The following ADGRB3 variants were observed in gnomAD, a reference collection of about 807,000 sequenced individuals.
The protein encoded by ADGRB3 is brain-specific angiogenesis inhibitor 3.
A neutral mutation model predicts 193.4 loss-of-function variants in ADGRB3; 37 were observed. That is an observed-to-expected ratio of 0.19 (90% CI 0.15 to 0.25). ADGRB3 has a LOEUF of 0.25. Among genes scored for constraint, ADGRB3 ranks in the 10% least tolerant of loss-of-function variants. The pLI is 1.00. For missense variants in ADGRB3, 1,637 were observed against 1,852.9 expected (o/e 0.88, Z 2.14); for synonymous variants, 690 against 644.2 (o/e 1.07, Z -1.08).
chr6:68,691,469 T>A (rs1404091394), intron 3 of ADGRB3, among the ~76,000 whole-genome samples: 4 of 152,020 alleles, frequency 2.6e-5, no homozygotes, highest in African/African-American at 9.7e-5. Context: ...TTATATGCAC[T>A]ATTTGAAGCT....
chr6:69,238,324 A>C (rs1766314040), intron 19 of ADGRB3, among the ~76,000 whole-genome samples: 1 of 152,112 alleles, frequency 6.6e-6, no homozygotes, highest in South Asian at 2.1e-4. Context: ...GTGAAGCAAA[A>C]TAGCTGTTAC....
chr6:69,188,549 T>C (rs1411711217), intron 17 of ADGRB3, among the ~76,000 whole-genome samples: 1 of 152,158 alleles, frequency 6.6e-6, no homozygotes, highest in Non-Finnish European at 1.5e-5. Context: ...CCTCTGGTGA[T>C]CCACCCACGT....
intron 18 of ADGRB3, 86 bp downstream of exon 18, chr6:69,233,502 G>C: frequency 6.5e-7 from 1 of 1,528,682 alleles, no homozygotes; most frequent in Admixed American, 2.0e-5. Context: ...ATTTTAAATG[G>C]GGAAATGGAA....
intron 3 of ADGRB3, among the ~76,000 whole-genome samples, chr6:68,883,892 A>G (rs556263902): frequency 6.6e-6 from 1 of 152,316 alleles, no homozygotes; most frequent in Non-Finnish European, 1.5e-5. Flanking sequence ...TATCTCATCA[A>G]TTTAATTAAA....
At chr6:69,048,534 A>C (rs979354389) in intron 14 of ADGRB3, among the ~76,000 whole-genome samples, 200 bp downstream of exon 14, 6 of 152,180 alleles carry the variant, frequency 3.9e-5, no homozygotes, top group Non-Finnish European at 5.9e-5. Flanking sequence ...AGTCTATTAC[A>C]GTATGAAAAA....
intron 3 of ADGRB3, among the ~76,000 whole-genome samples, chr6:68,827,129 T>C (rs949839999): frequency 6.6e-6 from 1 of 152,110 alleles, no homozygotes; most frequent in African/African-American, 2.4e-5. Flanking sequence ...GGGAGCTCTA[T>C]ATTGCGAGAT....
At chr6:69,210,656 T>C (rs1765644267) in intron 17 of ADGRB3, among the ~76,000 whole-genome samples, 1 of 152,130 alleles carries the variant, frequency 6.6e-6, no homozygotes, top group Non-Finnish European at 1.5e-5. Flanking sequence ...GTGTTGGGAA[T>C]GCAGACATAA....
chr6:68,641,788 T>C (rs1283246883), intron 3 of ADGRB3, among the ~76,000 whole-genome samples: 2 of 152,236 alleles, frequency 1.3e-5, no homozygotes, highest in South Asian at 2.1e-4. Flanking sequence ...GAAAGGAATG[T>C]GAAAATCTAT....
At chr6:69,369,667 C>T (rs558231546) in intron 29 of ADGRB3, among the ~76,000 whole-genome samples, 251 of 145,004 alleles carry the variant, frequency 1.7e-3, no homozygotes, top group African/African-American at 6.1e-3. Flanking sequence ...CACTGAACCC[C>T]GGCCTGGGTG....
intron 13 of ADGRB3, among the ~76,000 whole-genome samples, chr6:69,045,078 A>T (rs369919721): frequency 5.9e-5 from 9 of 152,286 alleles, no homozygotes; most frequent in African/African-American, 1.7e-4. Flanking sequence ...CCTCTTTTGT[A>T]TTCACTTAAC....
chr6:69,126,387 G>T (rs969709049), intron 17 of ADGRB3, among the ~76,000 whole-genome samples: 1 of 152,182 alleles, frequency 6.6e-6, no homozygotes, highest in African/African-American at 2.4e-5. Context: ...AACGTTGGTA[G>T]AGTGGCTCAG....
intron 8 of ADGRB3, among the ~76,000 whole-genome samples, chr6:68,959,236 C>T (rs975524023): frequency 2.0e-5 from 3 of 151,990 alleles, no homozygotes; most frequent in East Asian, 1.9e-4. Flanking sequence ...ATGAGTATAG[C>T]GTTCCTAATT....
intron 3 of ADGRB3, among the ~76,000 whole-genome samples, chr6:68,873,525 A>G (rs1765514489): frequency 6.6e-6 from 1 of 152,156 alleles, no homozygotes; most frequent in South Asian, 2.1e-4. Flanking sequence ...GTGCATTAGC[A>G]AAAAGGACTA....
At chr6:68,977,303 AT>A (rs532175489) in intron 10 of ADGRB3, among the ~76,000 whole-genome samples, 413 of 151,334 alleles carry the variant, frequency 2.7e-3, no homozygotes, top group African/African-American at 8.9e-3. Context: ...ATTTTAATGG[AT>A]TTTTTTTTCT....
At chr6:68,930,359 T>G (rs1767304883) in intron 3 of ADGRB3, among the ~76,000 whole-genome samples, 200 bp from the exon 4 acceptor site, 1 of 152,098 alleles carries the variant, frequency 6.6e-6, no homozygotes. Flanking sequence ...CTATTACTGT[T>G]TTTTGAAATC....
chr6:69,067,532 A>T (rs1443789250), intron 16 of ADGRB3, among the ~76,000 whole-genome samples: 1 of 152,180 alleles, frequency 6.6e-6, no homozygotes, highest in African/African-American at 2.4e-5. Context: ...TATAAAGGTT[A>T]ATAACCTAAG....
chr6:69,006,489 G>A (rs1346266472), intron 11 of ADGRB3, among the ~76,000 whole-genome samples: 1 of 151,666 alleles, frequency 6.6e-6, no homozygotes, highest in East Asian at 1.9e-4. Context: ...ATTAATCTCA[G>A]CAGTGGAGAG....
At chr6:69,260,453 T>C (rs1427461218) in intron 20 of ADGRB3, among the ~76,000 whole-genome samples, 1 of 152,146 alleles carries the variant, frequency 6.6e-6, no homozygotes, top group Admixed American at 6.5e-5. Context: ...TGTATTAATA[T>C]TAGGACTTCC....
chr6:68,943,735 T>C, intron 5 of ADGRB3, 95 bp from the exon 6 acceptor site: 1 of 1,012,358 alleles, frequency 9.9e-7, no homozygotes, highest in Middle Eastern at 3.5e-4. Flanking sequence ...TTTACATTTG[T>C]CTATTTAATG....
Sources: gnomAD v4.1 joint callset for allele counts (sites outside exome capture counted in the v4.1 genomes callset) on GRCh38, gnomAD v4.1.1 for gene constraint, MANE v1.5 for transcripts, NCBI Gene and HGNC (gene_info 2026-07-23, HGNC 2026-07-21) for gene names.